PLXDC2: variants seen among roughly 807,000 people sequenced by gnomAD.
PLXDC2 encodes the protein plexin domain-containing protein 2.
In PLXDC2, 40 loss-of-function variants were observed where a neutral mutation model predicts 68.9. The observed-to-expected ratio is 0.58, with a 90% confidence interval of 0.45 to 0.76. The LOEUF is 0.76. Among genes scored for constraint, PLXDC2 ranks in the 30% least tolerant of loss-of-function variants. The probability of loss-of-function intolerance (pLI) is 0.00; values close to 1 mark genes in which losing one functional copy is unlikely to be tolerated. For synonymous variants in PLXDC2, 243 were observed against 234.2 expected, an observed-to-expected ratio of 1.04 and a Z score of -0.34; for missense variants, 644 against 661.9, an observed-to-expected ratio of 0.97 and a Z score of 0.30.
chr10:20,088,478 A>T (rs1367756081), intron 4 of PLXDC2, among the ~76,000 whole-genome samples: 1 of 152,208 alleles, frequency 6.6e-6, no homozygotes. Context: ...GCCTATTGTT[A>T]GTACTAGAGT....
chr10:20,177,145 A>T (rs770642367), intron 8 of PLXDC2, 51 bp downstream of exon 8: 1 of 1,448,026 alleles, frequency 6.9e-7, no homozygotes, highest in South Asian at 1.1e-5. Context: ...AAATTTGATG[A>T]TCTGATCTGT....
At chr10:20,097,925 T>C (rs1241043455) in intron 4 of PLXDC2, among the ~76,000 whole-genome samples, 2 of 148,492 alleles carry the variant, frequency 1.3e-5, no homozygotes, top group South Asian at 2.1e-4. Flanking sequence ...AGCATTATAT[T>C]ATTTATAGTA....
intron 4 of PLXDC2, among the ~76,000 whole-genome samples, chr10:20,107,457 C>A (rs1001598811): frequency 6.6e-6 from 1 of 152,112 alleles, no homozygotes; most frequent in Non-Finnish European, 1.5e-5. Flanking sequence ...ATTGAAATAG[C>A]TTGGATTAAA....
At chr10:19,833,462 G>A (rs1178667193) in intron 1 of PLXDC2, among the ~76,000 whole-genome samples, 1 of 152,214 alleles carries the variant, frequency 6.6e-6, no homozygotes, top group African/African-American at 2.4e-5. Flanking sequence ...GGCCAGATCT[G>A]GATGTGGAAA....
chr10:20,213,175 A>G (rs1325972013), intron 10 of PLXDC2, among the ~76,000 whole-genome samples: 1 of 151,978 alleles, frequency 6.6e-6, no homozygotes, highest in Admixed American at 6.6e-5. Context: ...TTTTCTGAAT[A>G]TTTTAAAGCT....
At chr10:20,047,237 G>A (rs1835813055) in intron 3 of PLXDC2, among the ~76,000 whole-genome samples, 1 of 152,074 alleles carries the variant, frequency 6.6e-6, no homozygotes, top group South Asian at 2.1e-4. Flanking sequence ...TTGATAAACT[G>A]CCATTAATTG....
At chr10:19,914,973 G>A (rs939714277) in intron 1 of PLXDC2, among the ~76,000 whole-genome samples, 13 of 152,100 alleles carry the variant, frequency 8.5e-5, no homozygotes, top group African/African-American at 3.1e-4. Context: ...GTGTTTGTAT[G>A]ACACATCTTT....
chr10:20,181,412 AAATTAATGAATTAAT>A (rs1262830771), intron 9 of PLXDC2, among the ~76,000 whole-genome samples: 3 of 152,076 alleles, frequency 2.0e-5, no homozygotes, highest in Non-Finnish European at 4.4e-5. Flanking sequence ...GTAAGCCAGA[AAATTAATGAATTAAT>A]AATTAGGCAA....
At chr10:19,845,704 G>C (rs1397046933) in intron 1 of PLXDC2, among the ~76,000 whole-genome samples, 3 of 152,218 alleles carry the variant, frequency 2.0e-5, no homozygotes, top group Non-Finnish European at 4.4e-5. Flanking sequence ...CCTCAGCAGA[G>C]AGAAGCAGCT....
intron 12 of PLXDC2, among the ~76,000 whole-genome samples, chr10:20,232,837 G>A (rs149388146): frequency 7.9e-5 from 12 of 152,108 alleles, no homozygotes; most frequent in African/African-American, 2.9e-4. Context: ...ATAAAAATTT[G>A]GCAAATTGTA....
intron 7 of PLXDC2, among the ~76,000 whole-genome samples, chr10:20,170,354 T>C (rs1009099830): frequency 6.6e-6 from 1 of 152,164 alleles, no homozygotes; most frequent in African/African-American, 2.4e-5. Context: ...CACGCCCAGC[T>C]AATTTTTGTA....
chr10:20,046,772 A>G, intron 2 of PLXDC2, 97 bp from the exon 3 acceptor site: 1 of 1,272,468 alleles, frequency 7.9e-7, no homozygotes, highest in South Asian at 1.8e-5. Flanking sequence ...TGCTCTTTTA[A>G]AAACTATTAA....
intron 2 of PLXDC2, among the ~76,000 whole-genome samples, chr10:20,035,196 T>C (rs1176559588): frequency 1.3e-5 from 2 of 152,134 alleles, no homozygotes; most frequent in African/African-American, 4.8e-5. Flanking sequence ...TAATGTAGTA[T>C]TAGATTCTAA....
At chr10:19,911,661 C>T (rs987511163) in intron 1 of PLXDC2, among the ~76,000 whole-genome samples, 1 of 152,124 alleles carries the variant, frequency 6.6e-6, no homozygotes, top group Non-Finnish European at 1.5e-5. Context: ...ATGAAATAAC[C>T]TCCCCATTGA....
At chr10:20,195,121 A>G (rs1834820353) in intron 9 of PLXDC2, among the ~76,000 whole-genome samples, 1 of 152,082 alleles carries the variant, frequency 6.6e-6, no homozygotes, top group Non-Finnish European at 1.5e-5. Flanking sequence ...AGCAGGAGGA[A>G]CATTTTTGAA....
At chr10:20,192,156 T>G (rs549225434) in intron 9 of PLXDC2, among the ~76,000 whole-genome samples, 1 of 152,122 alleles carries the variant, frequency 6.6e-6, no homozygotes, top group African/African-American at 2.4e-5. Flanking sequence ...TAAATTTTTT[T>G]AGGCTGCATG....
intron 1 of PLXDC2, among the ~76,000 whole-genome samples, chr10:19,825,569 C>T (rs1836555682): frequency 6.6e-6 from 1 of 152,120 alleles, no homozygotes; most frequent in East Asian, 1.9e-4. Flanking sequence ...CTTACAGTAG[C>T]AACTGCTTAC....
intron 6 of PLXDC2, among the ~76,000 whole-genome samples, chr10:20,156,551 T>G (rs116791841): frequency 1.9e-3 from 288 of 152,280 alleles, no homozygotes; most frequent in African/African-American, 6.6e-3. Flanking sequence ...CACAGTAGCT[T>G]ATGTAGAAAG....
Position 20,040,586 on chromosome 10 carries a change from G to A in PLXDC2, c.325-6283G>A, listed in dbSNP as rs1835666532. On this transcript the variant is annotated intron_variant, in intron 2 of 13. Coordinates refer to ENST00000377252, the MANE Select transcript of PLXDC2 (RefSeq NM_032812.9). ...TGGAGGATACCCTTTCCATTGCAGGGTGGCCAGACTGTAGCTTGCAGGAGC... is the reference window on the plus strand; with the variant it reads ...TGGAGGATACCCTTTCCATTGCAGGATGGCCAGACTGTAGCTTGCAGGAGC... 2.0e-5 allele frequency among the ~76,000 whole-genome samples: 3 copies of A among 152,106 alleles called. 1 individual carries two copies. In the South Asian group the frequency reaches 6.2e-4, roughly 31 times the overall value.
Sources: allele counts gnomAD v4.1 joint callset (sites outside exome capture counted in the v4.1 genomes callset), GRCh38; gene constraint gnomAD v4.1.1; transcripts MANE v1.5; gene names NCBI Gene and HGNC (gene_info 2026-07-23, HGNC 2026-07-21).